ESRRB: variants seen among roughly 807,000 people sequenced by gnomAD.
ESRRB encodes steroid hormone receptor ERR2.
In ESRRB, 16 loss-of-function variants were observed where a neutral mutation model predicts 46.0. The ratio of observed to expected loss-of-function variants is 0.35; its 90% CI spans 0.24 to 0.53. ESRRB has a LOEUF of 0.53. Ranked by LOEUF, ESRRB falls within the 20% of genes least tolerant of loss-of-function variation. The pLI, the probability that ESRRB is intolerant of heterozygous loss-of-function variation, is 0.93. For synonymous variants in ESRRB, 246 were observed against 259.6 expected (o/e 0.95, Z 0.50); for missense variants, 488 against 607.4 (o/e 0.80, Z 2.07).
chr14:76,499,690 C>A lies in ESRRB; in HGVS notation c.*1232C>A. 1.4e-6 allele frequency: 1 copy of A among 691,480 alleles called. No individual in the cohort carries two copies. Among genetic ancestry groups the A allele is most frequent in the Non-Finnish European group, 2.6e-6 (1 of 382,664 alleles). 42.8% of individuals were successfully genotyped at this position (691,480 alleles called of 1,614,324 possible). A position where few individuals can be genotyped will look rare whatever the true frequency, so the allele number is the denominator to read the frequency against. On this transcript the variant is annotated 3_prime_UTR_variant, in exon 7 of 7. Transcript: ENST00000644823. ...CTCTCTGGCAGGACCCCTGCAGTCC[C>A]CCTGGCTGTGCCAGGTAACCAACCG...
intron 1 of ESRRB, among the ~76,000 whole-genome samples, chr14:76,355,690 A>C (rs1884370915): frequency 6.6e-6 from 1 of 152,124 alleles, no homozygotes; most frequent in African/African-American, 2.4e-5. Flanking sequence ...TCTGAGCCTC[A>C]GTTTTCTTCT....
rs114939145 is a variant in ESRRB at position 76,388,676 on chromosome 14, G to A, written c.50+12225G>A. Among the ~76,000 whole-genome samples, 1,021 of 152,182 alleles carry A rather than the reference G, an allele frequency of 6.7e-3. 13 individuals are homozygous for A. The highest frequency in any genetic ancestry group is 0.022 in the African/African-American group (919 of 41,520). ...CAGGTCAGCTTCCATCCTTGTCCTC[G>A]GCACAGGAGAAAGCTGTAGGAAGGA... is the stretch of plus-strand genomic sequence containing the variant. On this transcript the variant is annotated intron_variant, in intron 1 of 6. Coordinates refer to ENST00000644823, the MANE Select transcript of ESRRB (RefSeq NM_001379180.1).
chr14:76,441,572 C>A (rs561212239), intron 2 of ESRRB, among the ~76,000 whole-genome samples: 48 of 152,330 alleles, frequency 3.2e-4, no homozygotes, highest in African/African-American at 1.1e-3. Context: ...CCCACTTTGG[C>A]CTCCCAAAGT....
intron 1 of ESRRB, among the ~76,000 whole-genome samples, chr14:76,327,557 C>T (rs1233846886): frequency 6.6e-6 from 1 of 152,124 alleles, no homozygotes; most frequent in Non-Finnish European, 1.5e-5. Context: ...CCTTCTCAGG[C>T]TCAGCAACCC....
At chr14:76,427,974 C>A (rs1272085854) in intron 1 of ESRRB, among the ~76,000 whole-genome samples, 1 of 152,148 alleles carries the variant, frequency 6.6e-6, no homozygotes, top group African/African-American at 2.4e-5. Context: ...CTGGAGGCTA[C>A]TGAGTGTGTT....
intron 1 of ESRRB, among the ~76,000 whole-genome samples, chr14:76,410,960 T>C (rs924436195): frequency 6.6e-6 from 1 of 151,718 alleles, no homozygotes; most frequent in Non-Finnish European, 1.5e-5. Flanking sequence ...ATTTTTGTAT[T>C]TTTCGCAGAG....
At chr14:76,326,146 T>C (rs1443311978) in intron 1 of ESRRB, among the ~76,000 whole-genome samples, 1 of 152,190 alleles carries the variant, frequency 6.6e-6, no homozygotes, top group African/African-American at 2.4e-5. Context: ...GGCTGCCCAG[T>C]GGTTTCTTGT....
In ESRRB at chr14:76,499,776, G is replaced by A; in HGVS notation, c.*1318G>A. On this transcript the variant is annotated 3_prime_UTR_variant, in exon 7 of 7. Coordinates refer to ENST00000644823, the MANE Select transcript of ESRRB (RefSeq NM_001379180.1). ...AACTCCTCTACCCCAGGCACACGGG[G>A]ACAGTGGGTCACTCTATTTCTGTGG... 8.8e-7 allele frequency: 1 copy of A among 1,139,126 alleles called. No homozygotes were observed. The highest frequency in any genetic ancestry group is 1.3e-6 in the Non-Finnish European group (1 of 747,454). The allele number at this position is 1,139,126 out of a possible 1,614,324, so 70.6% of individuals were successfully genotyped here.
At position 76,498,194 on chromosome 14, in the gene ESRRB, G is replaced by C. The variant is rs1890505394; in HGVS notation, c.1121-20G>C. 1.9e-6 allele frequency: 3 copies of C among 1,613,404 alleles called. No homozygotes were observed. In the African/African-American group the frequency reaches 4.0e-5, roughly 22 times the overall value. ...GCACTCCCTGGCCAAGCCTGCTAAT[G>C]CTCGTCCTTGTGCCTGCAGATTCCA... On this transcript the variant is annotated intron_variant, in intron 6 of 6. Transcript: ENST00000644823.
intron 1 of ESRRB, among the ~76,000 whole-genome samples, chr14:76,378,431 G>A (rs111325956): frequency 0.035 from 5,403 of 152,268 alleles, 130 homozygotes; most frequent in Admixed American, 0.08. Flanking sequence ...GTCTGGGAAA[G>A]GTTTGAGATA....
At chr14:76,485,304 G>C (rs542988293) in intron 5 of ESRRB, among the ~76,000 whole-genome samples, 1 of 146,104 alleles carries the variant, frequency 6.8e-6, no homozygotes, top group Non-Finnish European at 1.5e-5. Context: ...GCAGTGGTGC[G>C]ATCTCGGCTC....
intron 1 of ESRRB, among the ~76,000 whole-genome samples, chr14:76,332,600 T>A (rs10588881): frequency 1.3e-4 from 5 of 38,436 alleles, no homozygotes; most frequent in East Asian, 6.7e-4. Context: ...ATATTATATA[T>A]TATATATTTA....
At chr14:76,481,890 C>A in intron 3 of ESRRB, 126 bp from the exon 4 acceptor site, 2 of 829,466 alleles carry the variant, frequency 2.4e-6, no homozygotes, top group East Asian at 2.7e-5. Context: ...GGCCGTGGGG[C>A]AGCTGTCGAA....
chr14:76,390,241 C>A (rs1303256398), intron 1 of ESRRB, among the ~76,000 whole-genome samples: 2 of 152,200 alleles, frequency 1.3e-5, no homozygotes, highest in African/African-American at 2.4e-5. Context: ...GTAATCCCAG[C>A]ACTTTGGGAG....
At chr14:76,491,743 GGGA>G (rs769789775) in intron 6 of ESRRB, 27 bp downstream of exon 6, 1 of 1,556,016 alleles carries the variant, frequency 6.4e-7, no homozygotes, top group Non-Finnish European at 8.7e-7. Flanking sequence ...GGCCTGGAAG[GGGA>G]GCTTCTAGGG....
intron 2 of ESRRB, among the ~76,000 whole-genome samples, chr14:76,456,036 T>TCACACACA (rs1436927832): frequency 2.1e-5 from 2 of 93,072 alleles, no homozygotes; most frequent in African/African-American, 1.1e-4. Flanking sequence ...AGAGCGAAAC[T>TCACACACA]CGCACACACA....
intron 5 of ESRRB, among the ~76,000 whole-genome samples, chr14:76,487,123 C>T (rs1184428695): frequency 1.3e-5 from 2 of 152,122 alleles, no homozygotes; most frequent in African/African-American, 2.4e-5. Context: ...GTGTATGTCC[C>T]CCAGTCCATG....
At position 76,466,609 on chromosome 14, in the gene ESRRB, TTC is replaced by T. The variant is rs1397245147; in HGVS notation, c.577+3949_577+3950del. ...AATCTAGTACATAAAAATCTGTATT[TTC>T]AGAGAAAAGGTAATTTTTCTCTTTT... is the stretch of plus-strand genomic sequence containing the variant. On this transcript the variant is annotated intron_variant, in intron 3 of 6. Transcript: ENST00000644823. Among the ~76,000 whole-genome samples, 11 of 152,302 alleles carry T rather than the reference TTC, an allele frequency of 7.2e-5. No homozygotes were observed. In the East Asian group the frequency reaches 2.1e-3, roughly 29 times the overall value.
At chr14:76,327,173 G>T (rs899743112) in intron 1 of ESRRB, among the ~76,000 whole-genome samples, 2 of 152,254 alleles carry the variant, frequency 1.3e-5, no homozygotes, top group African/African-American at 4.8e-5. Context: ...TCTCAACCAA[G>T]AGGCCTGGTG....
Sources: allele counts gnomAD v4.1 joint callset (sites outside exome capture counted in the v4.1 genomes callset), GRCh38; gene constraint gnomAD v4.1.1; transcripts MANE v1.5; gene names NCBI Gene and HGNC (gene_info 2026-07-23, HGNC 2026-07-21).